Variants in ZNF571 observed in about 807,000 individuals in gnomAD.
The protein encoded by ZNF571 is zinc finger protein 571.
In ZNF571, 4 loss-of-function variants were observed where a neutral mutation model predicts 7.7. That is an observed-to-expected ratio of 0.52 (90% CI 0.25 to 1.18). The LOEUF (loss-of-function observed/expected upper bound fraction) is 1.18. ZNF571 is among the 50% of genes most tolerant of loss of function. The pLI is 0.14. For missense variants in ZNF571, 704 were observed against 726.9 expected, an observed-to-expected ratio of 0.97 and a Z score of 0.36; for synonymous variants, 251 against 232.4, an observed-to-expected ratio of 1.08 and a Z score of -0.73.
chr19:37,567,786 G>A (rs2042912395), intron 3 of ZNF571: 1 of 151,972 alleles, frequency 6.6e-6, no homozygotes, highest in African/African-American at 2.4e-5. Flanking sequence ...CCTAATTCTT[G>A]TTTGAATTTT....
chr19:37,582,432 C>G (rs994565684), intron 3 of ZNF571, among the ~76,000 whole-genome samples: 2 of 152,174 alleles, frequency 1.3e-5, no homozygotes, highest in African/African-American at 4.8e-5. Context: ...CCTCAATTTC[C>G]TTTGCTAGAT....
Position 37,577,055 on chromosome 19 carries a change from CAG to C in ZNF571, c.136+6914_136+6915del, listed in dbSNP as rs531996499. ...TTAGGTCATGGTGCAGCTTATAAAA[CAG>C]AAATAAATGGGCTATATTTTCTAAT... On this transcript the variant is annotated intron_variant, in intron 3 of 3. Transcript: ENST00000451802. Among the ~76,000 whole-genome samples the C allele has an allele frequency of 1.1e-4, 17 of 152,154 alleles. No individual in the cohort carries two copies. The East Asian group carries it at 2.5e-3, about 22-fold the overall frequency.
At chr19:37,585,492 A>G (rs1374581892) in intron 2 of ZNF571, 2 of 152,234 alleles carry the variant, frequency 1.3e-5, no homozygotes, top group African/African-American at 4.8e-5. Flanking sequence ...TGACCAAGAA[A>G]GCAATGACCA....
chr19:37,588,701 TA>T (rs1240865908), intron 1 of ZNF571, among the ~76,000 whole-genome samples: 1 of 152,140 alleles, frequency 6.6e-6, no homozygotes, highest in African/African-American at 2.4e-5. Flanking sequence ...CCCCTGAATC[TA>T]AAATAAAAGT....
At position 37,564,462 on chromosome 19, in the gene ZNF571, G is replaced by GAAA; in HGVS notation, c.*133_*135dup. On this transcript the variant is annotated 3_prime_UTR_variant, in exon 4 of 4. Coordinates refer to ENST00000451802, the MANE Select transcript of ZNF571 (RefSeq NM_016536.5). ...TTAAGGAATTATTTAAGGGGTTTCT[G>GAAA]AAATTATTCTGCATCCATGTTAATG... 1.4e-6 allele frequency: 1 copy of GAAA among 690,224 alleles called. No individual in the cohort carries two copies. The highest frequency in any genetic ancestry group is 2.1e-6 in the Non-Finnish European group (1 of 465,860). 42.8% of individuals were successfully genotyped at this position (690,224 alleles called of 1,614,324 possible).
chr19:37,573,274 T>A lies in ZNF571; in HGVS notation c.137-6983A>T, dbSNP rs997256636. Among the ~76,000 whole-genome samples, 3 of 152,274 alleles carry A rather than the reference T, an allele frequency of 2.0e-5. No homozygotes were observed. The South Asian group carries it at 6.2e-4, about 32-fold the overall frequency. On this transcript the variant is annotated intron_variant, in intron 3 of 3. Transcript: ENST00000451802. Reference sequence around the variant, plus strand: ...TTCTATATAAAAGTATTGGAGATACTGGATTCCTATTATTAACGGCATGAT... The same window carrying A: ...TTCTATATAAAAGTATTGGAGATACAGGATTCCTATTATTAACGGCATGAT...
chr19:37,585,562 A>T (rs2043641930), intron 2 of ZNF571: 1 of 152,116 alleles, frequency 6.6e-6, no homozygotes, highest in African/African-American at 2.4e-5. Context: ...CATTTTTTCT[A>T]ATTTCCCTTA....
At chr19:37,566,314 A>C (rs2042858283) in intron 3 of ZNF571, 23 bp from the exon 4 acceptor site, 3 of 1,566,736 alleles carry the variant, frequency 1.9e-6, no homozygotes, top group Non-Finnish European at 2.6e-6. Context: ...AAGAAAGCAA[A>C]TTCCTGCTTT....
rs1357702909 is a variant in ZNF571, at chr19:37,587,784, C to T, written c.-69-1039G>A. Among the ~76,000 whole-genome samples the T allele has an allele frequency of 2.0e-5, 3 of 152,060 alleles. No individual in the cohort carries two copies. In the East Asian group the frequency reaches 5.8e-4, roughly 29 times the overall value. On this transcript the variant is annotated intron_variant, in intron 1 of 3. Transcript: ENST00000451802. ...ACTAAGATTTTGTCCTCCCCGCTAA[C>T]CAATTTTCACCTCCTTTGAGGCAAT...
At chr19:37,588,983 T>C (rs2043778834) in intron 1 of ZNF571, among the ~76,000 whole-genome samples, 1 of 152,038 alleles carries the variant, frequency 6.6e-6, no homozygotes, top group African/African-American at 2.4e-5. Context: ...GTGGATCACC[T>C]GAGGTCAGCA....
chr19:37,584,896 G>T (rs1281566695), intron 2 of ZNF571, among the ~76,000 whole-genome samples: 1 of 151,442 alleles, frequency 6.6e-6, no homozygotes, highest in Non-Finnish European at 1.5e-5. Context: ...CCCTGGAGGC[G>T]GAGCTTGCAG....
Position 37,564,938 on chromosome 19 carries a change from G to A in ZNF571, c.1490C>T (p.Thr497Ile), listed in dbSNP as rs1314291133. The change falls in exon 4 of 4, where the codon ACA becomes ATA. Residue 497 changes from threonine (T) to isoleucine (I), a missense_variant. Thr to Ile is a moderately conservative substitution (Grantham distance 89). Coordinates refer to ENST00000451802, the MANE Select transcript of ZNF571 (RefSeq NM_016536.5). ...TQLTYHQRIH[T>I]GEKPYKCKEC... ...CTTACATTTGTAGGGCTTTTCACCT[G>A]TATGAATTCTTTGATGATATGTAAG... is the stretch of plus-strand genomic sequence containing the variant. The A allele has an allele frequency of 6.2e-7, 1 of 1,613,792 alleles. No homozygotes were observed. Among genetic ancestry groups the A allele is most frequent in the African/African-American group, 1.3e-5 (1 of 74,884 alleles).
intron 1 of ZNF571, chr19:37,587,250 T>C (rs2043706717): frequency 6.6e-6 from 1 of 152,374 alleles, no homozygotes; most frequent in Non-Finnish European, 1.5e-5. Context: ...TGCCTGACCT[T>C]TGCTATGCTT....
chr19:37,566,186 A>T lies in ZNF571; in HGVS notation c.242T>A (p.Leu81His), dbSNP rs1381572448. The T allele has an allele frequency of 3.7e-6, 6 of 1,614,012 alleles. No homozygotes were observed. In the East Asian group the frequency reaches 1.3e-4, roughly 36 times the overall value. Residue 81 changes from leucine to histidine, a missense_variant, in exon 4 of 4, where the codon CTT becomes CAT. Transcript: ENST00000451802. ...ENMGKRINHH[L>H]QYNGLGDNME... ...ATTGTCTCCAAGACCATTGTATTGA[A>T]GGTGATGGTTGATACGTTTCCCCAT...
At chr19:37,579,699 A>C (rs1221148159) in intron 3 of ZNF571, among the ~76,000 whole-genome samples, 1 of 152,178 alleles carries the variant, frequency 6.6e-6, no homozygotes, top group African/African-American at 2.4e-5. Flanking sequence ...ATTTTATTAC[A>C]GTTATAAAGC....
At chr19:37,579,596 C>G (rs2043375179) in intron 3 of ZNF571, among the ~76,000 whole-genome samples, 1 of 152,144 alleles carries the variant, frequency 6.6e-6, no homozygotes, top group Non-Finnish European at 1.5e-5. Flanking sequence ...TTAAGATGGC[C>G]TGATCTAGTA....
chr19:37,566,772 AGC>A (rs2042876023), intron 3 of ZNF571, among the ~76,000 whole-genome samples: 1 of 152,188 alleles, frequency 6.6e-6, no homozygotes, highest in Non-Finnish European at 1.5e-5. Context: ...TTCATACAGC[AGC>A]CAGAGGAATT....
rs1568338040 is a variant in ZNF571, at chr19:37,564,429, T to C, written c.*169A>G. On this transcript the variant is annotated 3_prime_UTR_variant, in exon 4 of 4. Coordinates refer to ENST00000451802, the MANE Select transcript of ZNF571 (RefSeq NM_016536.5). ...ATTCAGCATTATATTCTAGCGTTTA[T>C]AGAGATGTTAAGGAATTATTTAAGG... 2 of 484,414 alleles carry C rather than the reference T, an allele frequency of 4.1e-6. No homozygotes were observed. The highest frequency in any genetic ancestry group is 6.9e-6 in the Non-Finnish European group (2 of 288,200). 30.0% of individuals were successfully genotyped at this position (484,414 alleles called of 1,614,324 possible). A position where few individuals can be genotyped will look rare whatever the true frequency, so the allele number is the denominator to read the frequency against.
chr19:37,585,239 A>G (rs2043629770), intron 2 of ZNF571: 2 of 152,240 alleles, frequency 1.3e-5, no homozygotes, highest in South Asian at 2.1e-4. Flanking sequence ...AGGCCCCCCA[A>G]ACATGTCCAC....
Sources: gnomAD v4.1 joint callset for allele counts (sites outside exome capture counted in the v4.1 genomes callset) on GRCh38, gnomAD v4.1.1 for gene constraint, MANE v1.5 for transcripts, NCBI Gene and HGNC (gene_info 2026-07-23, HGNC 2026-07-21) for gene names.